Variants in MAP3K21 observed in about 807,000 individuals in gnomAD.
MAP3K21 encodes the protein mitogen-activated protein kinase kinase kinase 21.
In MAP3K21, 63 loss-of-function variants were observed where a neutral mutation model predicts 86.1. That is an observed-to-expected ratio of 0.73 (90% confidence interval 0.60 to 0.90). The LOEUF (loss-of-function observed/expected upper bound fraction) is 0.90. Ranked by LOEUF, MAP3K21 falls within the 40% of genes least tolerant of loss-of-function variation. The probability of loss-of-function intolerance (pLI) is 0.00; values close to 1 mark genes in which losing one functional copy is unlikely to be tolerated. For synonymous variants in MAP3K21, 558 were observed against 564.8 expected (o/e 0.99, Z 0.17); for missense variants, 1,220 against 1,367.7 (o/e 0.89, Z 1.70).
At chr1:233,365,981 G>A (rs925670819) in intron 5 of MAP3K21, among the ~76,000 whole-genome samples, 1 of 152,190 alleles carries the variant, frequency 6.6e-6, no homozygotes, top group Non-Finnish European at 1.5e-5. Flanking sequence ...ACAATGTGGT[G>A]TGTTTACCTG....
intron 4 of MAP3K21, among the ~76,000 whole-genome samples, chr1:233,357,091 ACTT>A (rs1663373490): frequency 6.6e-6 from 1 of 152,192 alleles, no homozygotes; most frequent in African/African-American, 2.4e-5. Context: ...CTTCTAATCA[ACTT>A]CTTCTAAAGA....
chr1:233,346,289 C>A lies in MAP3K21; in HGVS notation c.806-153C>A, dbSNP rs77061983. Among the ~76,000 whole-genome samples, 998 of 152,292 alleles carry A rather than the reference C, an allele frequency of 6.6e-3. 11 individuals carry two copies. Among genetic ancestry groups the A allele is most frequent in the African/African-American group, 0.023 (957 of 41,562 alleles). On this transcript the variant is annotated intron_variant, in intron 1 of 9. Transcript: ENST00000366624. ...GGCACAGATAACCCACTAAAGACTA[C>A]AAAATCTGTGCTGTAAGTAAAATGG...
rs76586613 is a variant in MAP3K21, at chr1:233,355,926, C to G, written c.1311+915C>G. Among the ~76,000 whole-genome samples the G allele has an allele frequency of 6.0e-3, 915 of 152,260 alleles. 20 individuals carry two copies. In the East Asian group the frequency reaches 0.062, roughly 10 times the overall value. ...ATGCAAATCTGATCAGCCTTGTTTC[C>G]ATTGCCCACTTTTTTGCCATGTTCA... On this transcript the variant is annotated intron_variant, in intron 4 of 9. Coordinates refer to ENST00000366624, the MANE Select transcript of MAP3K21 (RefSeq NM_032435.3).
At chr1:233,361,380 A>T (rs1180250996) in intron 4 of MAP3K21, among the ~76,000 whole-genome samples, 1 of 152,204 alleles carries the variant, frequency 6.6e-6, no homozygotes, top group African/African-American at 2.4e-5. Flanking sequence ...TATCAGCGGG[A>T]TCTGAAAAGT....
At chr1:233,359,245 A>G (rs1404374154) in intron 4 of MAP3K21, among the ~76,000 whole-genome samples, 1 of 152,154 alleles carries the variant, frequency 6.6e-6, no homozygotes, top group Non-Finnish European at 1.5e-5. Flanking sequence ...CTCTTTCTCT[A>G]CTTTGCGATT....
At chr1:233,337,209 GC>G (rs201508588) in intron 1 of MAP3K21, among the ~76,000 whole-genome samples, 323 of 58,954 alleles carry the variant, frequency 5.5e-3, no homozygotes, top group African/African-American at 0.016. Context: ...TGCTGTTGTA[GC>G]CAAAAAAAAT....
intron 5 of MAP3K21, among the ~76,000 whole-genome samples, chr1:233,364,195 C>G (rs942466931): frequency 1.3e-5 from 1 of 79,708 alleles, no homozygotes; most frequent in African/African-American, 4.0e-5. Flanking sequence ...AGGCTCTCTT[C>G]TGATGTTTTC....
chr1:233,340,948 T>G (rs996271591), intron 1 of MAP3K21, among the ~76,000 whole-genome samples: 1 of 152,190 alleles, frequency 6.6e-6, no homozygotes, highest in Non-Finnish European at 1.5e-5. Context: ...AATTGCTTTT[T>G]TAAAAATATA....
chr1:233,340,273 T>C (rs1409591740), intron 1 of MAP3K21, among the ~76,000 whole-genome samples: 2 of 152,194 alleles, frequency 1.3e-5, no homozygotes, highest in Non-Finnish European at 2.9e-5. Context: ...CATGGCAGCC[T>C]GGACTAAGAG....
chr1:233,372,155 T>C lies in MAP3K21; in HGVS notation c.1670T>C (p.Ile557Thr), dbSNP rs767587638. The C allele has an allele frequency of 7.4e-6, 12 of 1,613,988 alleles. No individual in the cohort carries two copies. In the South Asian group the frequency reaches 1.2e-4, roughly 16 times the overall value. ...ACAATGATGCCCCGACTCCGAGCCA[T>C]ACAGTGTGAGCTTTCTGCACTGCCA... ...SPTMMPRLRA[I>T]QLTSDESNKT... Residue 557 changes from isoleucine to threonine, a missense_variant, in exon 6 of 10, where the codon ATA becomes ACA. Physicochemically the swap from Ile to Thr is moderately conservative, Grantham distance 89. This residue lies in a region of MAP3K21 where 632 missense variants were observed against 691.3 expected (regional missense o/e 0.91). Transcript: ENST00000366624.
At position 233,362,304 on chromosome 1, in the gene MAP3K21, G is replaced by C. The variant is rs202018624; in HGVS notation, c.1552+11G>C. ...TCAGTTTACCTTCAGGTATGATCTTGTTTTTATGTTTTTGAAAGATTTTTG... is the reference window on the plus strand; with the variant it reads ...TCAGTTTACCTTCAGGTATGATCTTCTTTTTATGTTTTTGAAAGATTTTTG... On this transcript the variant is annotated intron_variant, in intron 5 of 9. Transcript: ENST00000366624. The C allele has an allele frequency of 7.6e-5, 123 of 1,610,158 alleles. No individual in the cohort carries two copies. The highest frequency in any genetic ancestry group is 1.0e-4 in the Admixed American group (6 of 59,726).
chr1:233,364,007 C>G (rs2102759790), intron 5 of MAP3K21, among the ~76,000 whole-genome samples: 1 of 151,482 alleles, frequency 6.6e-6, no homozygotes, highest in East Asian at 1.9e-4. Flanking sequence ...GAATGAGACT[C>G]TGTCTCAAAA....
In MAP3K21 at chr1:233,327,797, T is replaced by C; in HGVS notation, c.-232T>C. 3.0e-6 allele frequency: 1 copy of C among 330,654 alleles called. No homozygotes were observed. The allele number at this position is 330,654 out of a possible 1,614,324, so 20.5% of individuals were successfully genotyped here. A position where few individuals can be genotyped will look rare whatever the true frequency, so the allele number is the denominator to read the frequency against. ...GCCTGGGCACGACCATGGTGGGACG[T>C]CGCCCGCGGCTTCGGGGACCGCTGC... On this transcript the variant is annotated 5_prime_UTR_variant, in exon 1 of 10. Coordinates refer to ENST00000366624, the MANE Select transcript of MAP3K21 (RefSeq NM_032435.3).
chr1:233,349,065 C>T (rs1663200131), intron 2 of MAP3K21, among the ~76,000 whole-genome samples: 1 of 152,118 alleles, frequency 6.6e-6, no homozygotes, highest in Non-Finnish European at 1.5e-5. Context: ...AGAAATTTAT[C>T]AGTTGGATCA....
chr1:233,374,900 C>G (rs557322933), intron 6 of MAP3K21, among the ~76,000 whole-genome samples: 40 of 150,462 alleles, frequency 2.7e-4, no homozygotes, highest in African/African-American at 9.3e-4. Context: ...TATTTTTCCC[C>G]TAAGTGTGTA....
In MAP3K21 at chr1:233,327,823, G is replaced by C; in HGVS notation, c.-206G>C. The C allele has an allele frequency of 2.7e-6, 1 of 371,202 alleles. No individual in the cohort carries two copies. Among genetic ancestry groups the C allele is most frequent in the Non-Finnish European group, 4.7e-6 (1 of 214,250 alleles). 23.0% of individuals were successfully genotyped at this position (371,202 alleles called of 1,614,324 possible). On this transcript the variant is annotated 5_prime_UTR_variant, in exon 1 of 10. Transcript: ENST00000366624. ...CGCCCGCGGCTTCGGGGACCGCTGC[G>C]GCAGCAGAGGCGGCTGGCCAGGAAC...
chr1:233,332,830 G>C (rs1293518558), intron 1 of MAP3K21, among the ~76,000 whole-genome samples: 1 of 93,178 alleles, frequency 1.1e-5, no homozygotes, highest in African/African-American at 3.8e-5. Flanking sequence ...GTTGCTTATT[G>C]TGTTCTATTT....
intron 4 of MAP3K21, among the ~76,000 whole-genome samples, chr1:233,361,666 A>G (rs1663467597): frequency 6.6e-6 from 1 of 152,230 alleles, no homozygotes; most frequent in African/African-American, 2.4e-5. Context: ...TCACATCTGC[A>G]CTTTGTTGCC....
chr1:233,341,380 A>G (rs1572241200), intron 1 of MAP3K21, among the ~76,000 whole-genome samples: 1 of 152,190 alleles, frequency 6.6e-6, no homozygotes, highest in African/African-American at 2.4e-5. Flanking sequence ...TCCAAAAGAT[A>G]TGGAATTCCA....
Sources: allele counts gnomAD v4.1 joint callset (sites outside exome capture counted in the v4.1 genomes callset), GRCh38; gene constraint gnomAD v4.1.1; regional missense constraint gnomAD v4.1.1; transcripts MANE v1.5; gene names NCBI Gene and HGNC (gene_info 2026-07-23, HGNC 2026-07-21).